Variants in RBFOX1 observed in about 807,000 individuals in gnomAD.
RBFOX1 encodes RNA binding fox-1 homolog 1, also known as RNA binding protein fox-1 homolog 1.
Under a neutral mutation model 57.7 loss-of-function variants are expected in RBFOX1, and 8 were observed. The observed-to-expected ratio is 0.14, with a 90% CI of 0.08 to 0.25. The LOEUF (loss-of-function observed/expected upper bound fraction) is 0.25. Ranked by LOEUF, RBFOX1 falls within the 10% of genes least tolerant of loss-of-function variation. RBFOX1 has a pLI of 1.00. For missense variants in RBFOX1, 611 were observed against 548.5 expected (o/e 1.11, Z -1.14); for synonymous variants, 326 against 222.4 (o/e 1.47, Z -4.15).
At chr16:6,914,825 C>G (rs770098182) in intron 3 of RBFOX1, among the ~76,000 whole-genome samples, 9 of 152,218 alleles carry the variant, frequency 5.9e-5, no homozygotes, top group Non-Finnish European at 1.2e-4. Flanking sequence ...GAGTTCAAGG[C>G]TGCACTGAGC....
At chr16:6,142,358 A>T (rs1567549907) in intron 1 of RBFOX1, among the ~76,000 whole-genome samples, 1 of 151,258 alleles carries the variant, frequency 6.6e-6, no homozygotes, top group Non-Finnish European at 1.5e-5. Context: ...AGTAGCTGGG[A>T]CTACAGGCGC....
intron 2 of RBFOX1, among the ~76,000 whole-genome samples, chr16:6,512,585 A>G (rs571635244): frequency 5.9e-5 from 9 of 152,130 alleles, no homozygotes; most frequent in East Asian, 1.9e-4. Flanking sequence ...TCTGCCTCCA[A>G]TGGACACCCA....
At chr16:6,273,589 G>A (rs1487998659) in intron 1 of RBFOX1, among the ~76,000 whole-genome samples, 3 of 151,790 alleles carry the variant, frequency 2.0e-5, no homozygotes, top group Non-Finnish European at 4.4e-5. Flanking sequence ...CAGGTGATCC[G>A]CCCGCCTCGG....
chr16:5,813,593 A>G (rs575718096), intron 3 of RBFOX1, among the ~76,000 whole-genome samples: 3 of 152,362 alleles, frequency 2.0e-5, no homozygotes, highest in Admixed American at 1.3e-4. Flanking sequence ...TTTATATCAA[A>G]TACCCAGAAA....
At chr16:7,520,823 A>G (rs2077367100) in intron 5 of RBFOX1, among the ~76,000 whole-genome samples, 1 of 152,210 alleles carries the variant, frequency 6.6e-6, no homozygotes, top group Non-Finnish European at 1.5e-5. Flanking sequence ...TCAGATTTTG[A>G]AAAAAGATCC....
intron 4 of RBFOX1, among the ~76,000 whole-genome samples, chr16:7,171,758 G>T (rs1255412630): frequency 6.6e-6 from 1 of 152,214 alleles, no homozygotes; most frequent in Non-Finnish European, 1.5e-5. Context: ...TTATCAATCT[G>T]TCTCCATACT....
At chr16:5,626,652 A>T (rs1308733673) in intron 3 of RBFOX1, among the ~76,000 whole-genome samples, 1 of 152,092 alleles carries the variant, frequency 6.6e-6, no homozygotes, top group African/African-American at 2.4e-5. Context: ...TCAAATGTTG[A>T]CACGAGCTCC....
In RBFOX1 at chr16:6,859,129, A is replaced by ATATATATATATATG. The variant is rs1567592071; in HGVS notation, c.-15-192928_-15-192927insTATATATATATATG. Among the ~76,000 whole-genome samples the ATATATATATATATG allele has an allele frequency of 9.3e-5, 7 of 75,672 alleles. 1 individual carries two copies. Among genetic ancestry groups the ATATATATATATATG allele is most frequent in the African/African-American group, 5.7e-4 (7 of 12,278 alleles). The allele number at this position is 75,672 out of a possible 152,430, so 49.6% of individuals were successfully genotyped here. On this transcript the variant is annotated intron_variant, in intron 3 of 15. Transcript: ENST00000550418. ...AAAAAGTGTATATATATATATATATACATATATATACGTATATATATATGT... is the reference window on the plus strand; with the variant it reads ...AAAAAGTGTATATATATATATATATATATATATATATATGCATATATATACGTATATATATATGT...
intron 3 of RBFOX1, among the ~76,000 whole-genome samples, chr16:5,850,175 T>C (rs1347083442): frequency 1.3e-5 from 2 of 152,178 alleles, no homozygotes; most frequent in Non-Finnish European, 2.9e-5. Flanking sequence ...TAATTGATGT[T>C]ATCCGTTTTA....
At chr16:6,982,470 C>T (rs111536399) in intron 3 of RBFOX1, among the ~76,000 whole-genome samples, 56 of 152,242 alleles carry the variant, frequency 3.7e-4, no homozygotes, top group Admixed American at 1.9e-3. Context: ...CCTTCTCATT[C>T]GTTCATGAGA....
chr16:5,522,602 G>A (rs1430753819), intron 2 of RBFOX1, among the ~76,000 whole-genome samples: 1 of 152,132 alleles, frequency 6.6e-6, no homozygotes, highest in South Asian at 2.1e-4. Context: ...CTTAACTATA[G>A]TCACTCTACT....
At chr16:7,129,220 A>G (rs1016305895) in intron 4 of RBFOX1, among the ~76,000 whole-genome samples, 10 of 152,190 alleles carry the variant, frequency 6.6e-5, no homozygotes, top group Admixed American at 6.6e-4. Context: ...AATGTTCTTT[A>G]TATAGTTTTT....
At chr16:6,345,809 G>A (rs2085287072) in intron 2 of RBFOX1, among the ~76,000 whole-genome samples, 1 of 152,184 alleles carries the variant, frequency 6.6e-6, no homozygotes, top group Non-Finnish European at 1.5e-5. Context: ...GGCCTCAGGA[G>A]GTCCTGACGA....
chr16:7,151,060 C>G (rs893260283), intron 4 of RBFOX1, among the ~76,000 whole-genome samples: 2 of 152,164 alleles, frequency 1.3e-5, no homozygotes, highest in African/African-American at 4.8e-5. Context: ...TTCTCTCCCT[C>G]AAATGACAGA....
intron 2 of RBFOX1, among the ~76,000 whole-genome samples, chr16:5,571,978 T>C (rs570655029): frequency 5.0e-4 from 76 of 152,314 alleles, no homozygotes; most frequent in African/African-American, 1.3e-3. Context: ...TTTTCTTATG[T>C]GGGGCCCCAG....
chr16:7,170,321 G>C (rs893917425), intron 4 of RBFOX1, among the ~76,000 whole-genome samples: 2 of 152,142 alleles, frequency 1.3e-5, no homozygotes, highest in African/African-American at 4.8e-5. Flanking sequence ...CTTTCAGACT[G>C]GAGTGCAGTG....
chr16:6,212,345 A>G (rs2097304012), intron 1 of RBFOX1, among the ~76,000 whole-genome samples: 1 of 152,354 alleles, frequency 6.6e-6, no homozygotes, highest in East Asian at 1.9e-4. Flanking sequence ...AATATGCAAT[A>G]CATATGCTAT....
At chr16:6,693,224 C>T (rs1349497855) in intron 3 of RBFOX1, among the ~76,000 whole-genome samples, 7 of 151,790 alleles carry the variant, frequency 4.6e-5, no homozygotes, top group African/African-American at 1.7e-4. Context: ...TCACCGTCAT[C>T]CTCCTCCACT....
At position 7,028,818 on chromosome 16, in the gene RBFOX1, G is replaced by A. The variant is rs74520961; in HGVS notation, c.-15-23239G>A. On this transcript the variant is annotated intron_variant, in intron 3 of 15. Transcript: ENST00000550418. ...CAAACATTGGCGATCAACAAAGCCA[G>A]CAGTATGTGGACAGCTTATGAGAAA... Among the ~76,000 whole-genome samples the A allele has an allele frequency of 8.1e-3, 1,223 of 151,136 alleles. 16 individuals carry two copies. The highest frequency in any genetic ancestry group is 0.024 in the African/African-American group (1,009 of 41,218).
Sources: allele counts gnomAD v4.1 joint callset (sites outside exome capture counted in the v4.1 genomes callset), GRCh38; gene constraint gnomAD v4.1.1; transcripts MANE v1.5; gene names NCBI Gene and HGNC (gene_info 2026-07-23, HGNC 2026-07-21).